Variants in RNF220 observed in about 807,000 individuals in gnomAD.
The protein encoded by RNF220 is ring finger protein 220.
Under a neutral mutation model 67.1 loss-of-function variants are expected in RNF220, and 7 were observed. The observed-to-expected ratio is 0.10, with a 90% CI of 0.06 to 0.20. The LOEUF is 0.20. Ranked by LOEUF, RNF220 falls within the 10% of genes least tolerant of loss-of-function variation. The pLI is 1.00. For synonymous variants in RNF220, 270 were observed against 283.2 expected (o/e 0.95, Z 0.47); for missense variants, 565 against 740.3 (o/e 0.76, Z 2.75).
At chr1:44,552,214 A>G (rs1223694170) in intron 2 of RNF220, among the ~76,000 whole-genome samples, 1 of 152,206 alleles carries the variant, frequency 6.6e-6, no homozygotes, top group African/African-American at 2.4e-5. Flanking sequence ...AGATGTGTCC[A>G]TCATGAATGA....
chr1:44,520,759 T>TA (rs1659870756), intron 2 of RNF220, among the ~76,000 whole-genome samples: 1 of 152,276 alleles, frequency 6.6e-6, no homozygotes, highest in Non-Finnish European at 1.5e-5. Context: ...CTAGATTATA[T>TA]ACTCCTTGAA....
intron 8 of RNF220, 87 bp downstream of exon 8, chr1:44,636,249 TG>T (rs1192605250): frequency 6.5e-7 from 1 of 1,540,184 alleles, no homozygotes; most frequent in African/African-American, 1.4e-5. Context: ...AGGCCGAGGC[TG>T]GTGGCTGGTC....
intron 2 of RNF220, among the ~76,000 whole-genome samples, chr1:44,491,390 A>G (rs1046202535): frequency 4.6e-5 from 7 of 152,328 alleles, no homozygotes; most frequent in African/African-American, 1.7e-4. Context: ...AAAAAAAATT[A>G]TATACTGTGA....
At chr1:44,444,736 C>T (rs538218374) in intron 2 of RNF220, among the ~76,000 whole-genome samples, 8 of 151,088 alleles carry the variant, frequency 5.3e-5, no homozygotes, top group African/African-American at 1.2e-4. Context: ...CCACCATGCC[C>T]GGCCTACCTT....
At chr1:44,635,823 C>T in intron 7 of RNF220, 2 of 1,282,996 alleles carry the variant, frequency 1.6e-6, no homozygotes, top group Non-Finnish European at 2.1e-6. Flanking sequence ...TTCACTCTCA[C>T]TCATTCCCTC....
At chr1:44,461,252 A>T (rs1297118988) in intron 2 of RNF220, among the ~76,000 whole-genome samples, 1 of 152,114 alleles carries the variant, frequency 6.6e-6, no homozygotes, top group Non-Finnish European at 1.5e-5. Flanking sequence ...ATCCTTCTAG[A>T]AGTGGATTTT....
chr1:44,647,799 G>A (rs918629041), intron 12 of RNF220, among the ~76,000 whole-genome samples: 6 of 152,212 alleles, frequency 3.9e-5, no homozygotes, highest in Non-Finnish European at 7.4e-5. Context: ...CCCCTAAACT[G>A]CAGAACAGGT....
intron 2 of RNF220, among the ~76,000 whole-genome samples, chr1:44,583,234 T>A (rs796614317): frequency 9.4e-5 from 14 of 148,912 alleles, no homozygotes; most frequent in African/African-American, 3.6e-4. Flanking sequence ...ATATATATAC[T>A]TATACAAAGA....
intron 2 of RNF220, among the ~76,000 whole-genome samples, chr1:44,488,413 G>C (rs1449018847): frequency 6.6e-6 from 1 of 152,206 alleles, no homozygotes. Flanking sequence ...ACAGGCGTGA[G>C]CCACCACACC....
At chr1:44,623,483 G>T (rs1643868693) in intron 4 of RNF220, among the ~76,000 whole-genome samples, 2 of 152,232 alleles carry the variant, frequency 1.3e-5, no homozygotes, top group African/African-American at 4.8e-5. Flanking sequence ...CCCAAAGGTG[G>T]TTTTGAGGGG....
intron 2 of RNF220, among the ~76,000 whole-genome samples, chr1:44,465,909 C>T (rs1343192308): frequency 3.9e-5 from 6 of 152,046 alleles, no homozygotes. Context: ...ATGTTGATGG[C>T]TGCTGACTGA....
In RNF220 at chr1:44,650,592, A is replaced by T; in HGVS notation, c.1630-112A>T. 8.5e-7 allele frequency: 1 copy of T among 1,178,772 alleles called. No homozygotes were observed. The highest frequency in any genetic ancestry group is 1.3e-5 in the South Asian group (1 of 79,130). The allele number at this position is 1,178,772 out of a possible 1,614,324, so 73.0% of individuals were successfully genotyped here. On this transcript the variant is annotated intron_variant, in intron 14 of 14. Coordinates refer to ENST00000361799, the MANE Select transcript of RNF220 (RefSeq NM_018150.4). This position sits in a 1 kb window ranked among gnomAD's most constrained non-coding sequence, Gnocchi z 4.3. ...TGCGTCCCCAGCCTGGGCTGACAGG[A>T]CCAAGGTCTCAGCACACACTGGTGC...
chr1:44,427,925 T>G (rs1175161407), intron 2 of RNF220, among the ~76,000 whole-genome samples: 1 of 152,186 alleles, frequency 6.6e-6, no homozygotes, highest in East Asian at 1.9e-4. Context: ...TTACCTCTAC[T>G]CCTAATTGCA....
At chr1:44,547,401 A>G (rs1662254616) in intron 2 of RNF220, among the ~76,000 whole-genome samples, 1 of 152,094 alleles carries the variant, frequency 6.6e-6, no homozygotes, top group South Asian at 2.1e-4. Flanking sequence ...CTCCAAGTCC[A>G]TGTTGGTGTT....
intron 2 of RNF220, among the ~76,000 whole-genome samples, chr1:44,418,006 TG>T (rs1157603634): frequency 6.6e-6 from 1 of 150,486 alleles, no homozygotes; most frequent in Admixed American, 6.6e-5. Flanking sequence ...CCCCCCGCCC[TG>T]CCCCGCCTCG....
chr1:44,510,938 G>T (rs1319887985), intron 2 of RNF220, among the ~76,000 whole-genome samples: 1 of 152,176 alleles, frequency 6.6e-6, no homozygotes, highest in Admixed American at 6.5e-5. Context: ...TTGTTGCTCC[G>T]AGGTCTAGGA....
chr1:44,454,672 C>T (rs1488602178), intron 2 of RNF220, among the ~76,000 whole-genome samples: 1 of 148,900 alleles, frequency 6.7e-6, no homozygotes, highest in African/African-American at 2.5e-5. Flanking sequence ...TTTTTTAAGT[C>T]AGATTTATTG....
At chr1:44,498,157 C>G (rs1460577855) in intron 2 of RNF220, among the ~76,000 whole-genome samples, 1 of 151,310 alleles carries the variant, frequency 6.6e-6, no homozygotes, top group African/African-American at 2.4e-5. Context: ...GTCCCTATTT[C>G]TTTCATTTAT....
chr1:44,566,726 C>G (rs993334799), intron 2 of RNF220, among the ~76,000 whole-genome samples: 1 of 151,966 alleles, frequency 6.6e-6, no homozygotes. Flanking sequence ...TGGAGGGCGG[C>G]TGCTAATGGA....
Sources: gnomAD v4.1 joint callset for allele counts (sites outside exome capture counted in the v4.1 genomes callset) on GRCh38, gnomAD v4.1.1 for gene constraint, Gnocchi (gnomAD v3.1) non-coding constraint, MANE v1.5 for transcripts, NCBI Gene and HGNC (gene_info 2026-07-23, HGNC 2026-07-21) for gene names.